Variants in GPC6 observed in about 807,000 individuals in gnomAD.
The protein encoded by GPC6 is glypican-6.
A neutral mutation model predicts 55.2 loss-of-function variants in GPC6; 14 were observed. The observed-to-expected ratio is 0.25, with a 90% confidence interval of 0.17 to 0.40. The LOEUF (loss-of-function observed/expected upper bound fraction) is 0.40, where lower values mean the gene tolerates loss of function less well. Ranked by LOEUF, GPC6 falls within the 10% of genes least tolerant of loss-of-function variation. The pLI, the probability that GPC6 is intolerant of heterozygous loss-of-function variation, is 1.00. For missense variants in GPC6, 641 were observed against 708.5 expected, an observed-to-expected ratio of 0.90 and a Z score of 1.08; for synonymous variants, 278 against 259.6, an observed-to-expected ratio of 1.07 and a Z score of -0.68.
At chr13:94,061,063 G>T (rs1267006191) in intron 4 of GPC6, among the ~76,000 whole-genome samples, 1 of 152,024 alleles carries the variant, frequency 6.6e-6, no homozygotes, top group Non-Finnish European at 1.5e-5. Flanking sequence ...CTTTTACTCT[G>T]CCTGCAGGTA....
intron 3 of GPC6, among the ~76,000 whole-genome samples, chr13:93,872,072 T>A (rs1889148670): frequency 6.6e-6 from 1 of 151,976 alleles, no homozygotes; most frequent in South Asian, 2.1e-4. Context: ...ATAGAAGTGC[T>A]CAATGCTGTT....
At chr13:93,297,769 G>A (rs908271917) in intron 1 of GPC6, among the ~76,000 whole-genome samples, 5 of 151,570 alleles carry the variant, frequency 3.3e-5, no homozygotes, top group Middle Eastern at 6.8e-3. Context: ...TTGTAATTAC[G>A]TATGGTCTTC....
chr13:94,061,624 G>A (rs956876210), intron 4 of GPC6, among the ~76,000 whole-genome samples: 17 of 151,932 alleles, frequency 1.1e-4, no homozygotes, highest in African/African-American at 3.9e-4. Context: ...TCACCGAGAA[G>A]GAGCACTGTG....
chr13:93,891,761 A>G (rs1875696492), intron 3 of GPC6, among the ~76,000 whole-genome samples: 3 of 152,042 alleles, frequency 2.0e-5, no homozygotes, highest in African/African-American at 7.2e-5. Context: ...GTATATATAA[A>G]TGGTCAATGA....
At chr13:93,836,688 C>T (rs988552810) in intron 3 of GPC6, among the ~76,000 whole-genome samples, 3 of 151,868 alleles carry the variant, frequency 2.0e-5, no homozygotes, top group South Asian at 2.1e-4. Flanking sequence ...GATGGTATTT[C>T]GAGTATTATA....
chr13:93,871,554 T>C (rs913223835), intron 3 of GPC6, among the ~76,000 whole-genome samples: 11 of 151,994 alleles, frequency 7.2e-5, no homozygotes. Context: ...ACAATAACAC[T>C]TCACTATAGA....
Position 93,898,940 on chromosome 13 carries a change from A to AATATATATATATATATATAT in GPC6, c.711+68403_711+68422dup, listed in dbSNP as rs66531953. ...GGGATATATAAAAATATTATATATA[A>AATATATATATATATATATAT]ATATATATATATATATATATATATA... On this transcript the variant is annotated intron_variant, in intron 3 of 8. Coordinates refer to ENST00000377047, the MANE Select transcript of GPC6 (RefSeq NM_005708.5). 1.8e-4 allele frequency among the ~76,000 whole-genome samples: 24 copies of AATATATATATATATATATAT among 136,640 alleles called. 1 individual carries two copies. Among genetic ancestry groups the AATATATATATATATATATAT allele is most frequent in the East Asian group, 8.7e-4 (4 of 4,582 alleles). The allele number at this position is 136,640 out of a possible 152,430, so 89.6% of individuals were successfully genotyped here. A position where few individuals can be genotyped will look rare whatever the true frequency, so the allele number is the denominator to read the frequency against.
At position 93,868,031 on chromosome 13, in the gene GPC6, G is replaced by C. The variant is rs182055719; in HGVS notation, c.711+37486G>C. On this transcript the variant is annotated intron_variant, in intron 3 of 8. Coordinates refer to ENST00000377047, the MANE Select transcript of GPC6 (RefSeq NM_005708.5). ...GAGTGAAGTCCCTGAGGTTACTCGGGAGAATGCCTTGGTAAACCTTCCATG... is the reference window on the plus strand; with the variant it reads ...GAGTGAAGTCCCTGAGGTTACTCGGCAGAATGCCTTGGTAAACCTTCCATG... 1.9e-3 allele frequency among the ~76,000 whole-genome samples: 284 copies of C among 151,858 alleles called. 2 individuals are homozygous for C. The highest frequency in any genetic ancestry group is 6.7e-3 in the African/African-American group (277 of 41,502).
chr13:94,084,286 A>T (rs1885207276), intron 4 of GPC6, among the ~76,000 whole-genome samples: 1 of 152,228 alleles, frequency 6.6e-6, no homozygotes, highest in African/African-American at 2.4e-5. Context: ...AATCATTATT[A>T]GAAAACCTGC....
At chr13:93,322,338 A>G (rs760168736) in intron 1 of GPC6, among the ~76,000 whole-genome samples, 19 of 151,916 alleles carry the variant, frequency 1.3e-4, no homozygotes, top group African/African-American at 1.9e-4. Flanking sequence ...ATATGTGTCA[A>G]TGTGTTCTCA....
intron 3 of GPC6, among the ~76,000 whole-genome samples, chr13:93,891,616 C>T (rs539987530): frequency 6.6e-6 from 1 of 152,212 alleles, no homozygotes; most frequent in South Asian, 2.1e-4. Context: ...AAAACATATA[C>T]ACTTTGTTCA....
At chr13:94,058,404 T>G (rs999265040) in intron 4 of GPC6, among the ~76,000 whole-genome samples, 1 of 152,204 alleles carries the variant, frequency 6.6e-6, no homozygotes, top group East Asian at 1.9e-4. Flanking sequence ...ATTTATTCAT[T>G]CAACAAATAT....
chr13:93,648,296 G>A (rs1476703055), intron 2 of GPC6, among the ~76,000 whole-genome samples: 2 of 152,124 alleles, frequency 1.3e-5, no homozygotes, highest in East Asian at 1.9e-4. Flanking sequence ...AAGGCTTCTC[G>A]TGTATCTTGA....
At chr13:93,636,098 A>G (rs138846308) in intron 2 of GPC6, among the ~76,000 whole-genome samples, 55 of 152,314 alleles carry the variant, frequency 3.6e-4, no homozygotes, top group African/African-American at 1.2e-3. Context: ...AAGTTAGTCT[A>G]TGATGAGGGA....
At chr13:93,584,005 C>T (rs557230259) in intron 2 of GPC6, among the ~76,000 whole-genome samples, 9 of 152,170 alleles carry the variant, frequency 5.9e-5, no homozygotes, top group South Asian at 2.1e-4. Context: ...GCTACATGGC[C>T]GCATAAAGTT....
intron 3 of GPC6, among the ~76,000 whole-genome samples, chr13:93,894,638 G>C (rs1448518523): frequency 1.3e-5 from 2 of 152,026 alleles, no homozygotes; most frequent in Non-Finnish European, 2.9e-5. Flanking sequence ...TTTGGCCATT[G>C]ACTCTTATTC....
chr13:94,393,720 C>T (rs1367249841), intron 7 of GPC6, among the ~76,000 whole-genome samples: 2 of 152,104 alleles, frequency 1.3e-5, no homozygotes, highest in Admixed American at 1.3e-4. Context: ...CACCACCAGG[C>T]TAACCTTCCT....
chr13:93,402,381 A>T (rs968816766), intron 1 of GPC6, among the ~76,000 whole-genome samples: 2 of 152,174 alleles, frequency 1.3e-5, no homozygotes, highest in African/African-American at 2.4e-5. Flanking sequence ...CCAGATGTAC[A>T]GTGCGGCCTT....
intron 1 of GPC6, among the ~76,000 whole-genome samples, chr13:93,459,641 G>A (rs1878606251): frequency 1.3e-5 from 2 of 152,120 alleles, no homozygotes; most frequent in East Asian, 1.9e-4. Flanking sequence ...GTAAGTATCA[G>A]TGTGTCTTCA....
Sources: allele counts gnomAD v4.1 joint callset (sites outside exome capture counted in the v4.1 genomes callset), GRCh38; gene constraint gnomAD v4.1.1; transcripts MANE v1.5; gene names NCBI Gene and HGNC (gene_info 2026-07-23, HGNC 2026-07-21).